GTPBP10: variants seen among roughly 807,000 people sequenced by gnomAD.
The protein encoded by GTPBP10 is GTP-binding protein 10.
A neutral mutation model predicts 44.8 loss-of-function variants in GTPBP10; 38 were observed. The observed-to-expected ratio is 0.85, with a 90% confidence interval of 0.65 to 1.11. The LOEUF is 1.11. Ranked by LOEUF, GTPBP10 falls within the 50% of genes most tolerant of loss-of-function variation. The pLI is 0.00. For missense variants in GTPBP10, 462 were observed against 453.7 expected (o/e 1.02, Z -0.17); for synonymous variants, 152 against 150.6 (o/e 1.01, Z -0.07).
Position 90,390,623 on chromosome 7 carries a change from T to A in GTPBP10, c.*5469T>A, listed in dbSNP as rs996025186. 3 of 152,186 alleles carry A rather than the reference T, an allele frequency of 2.0e-5. No individual in the cohort carries two copies. The highest frequency in any genetic ancestry group is 7.2e-5 in the African/African-American group (3 of 41,442). 9.4% of individuals were successfully genotyped at this position (152,186 alleles called of 1,614,324 possible). Reference sequence around the variant, plus strand: ...ACATGCAGCTTATGTTATAATTAATTTGCGAGCAATATATGGCATGATAGT... The same window carrying A: ...ACATGCAGCTTATGTTATAATTAATATGCGAGCAATATATGGCATGATAGT... On this transcript the variant is annotated 3_prime_UTR_variant, in exon 10 of 10. Coordinates refer to ENST00000222511, the MANE Select transcript of GTPBP10 (RefSeq NM_033107.4).
intron 4 of GTPBP10, among the ~76,000 whole-genome samples, chr7:90,364,796 C>A (rs979475017): frequency 6.6e-6 from 1 of 152,178 alleles, no homozygotes; most frequent in African/African-American, 2.4e-5. Context: ...TTCCAGGTGG[C>A]TTTGTTACCT....
chr7:90,370,530 T>C (rs557778055), intron 4 of GTPBP10, among the ~76,000 whole-genome samples: 9 of 151,958 alleles, frequency 5.9e-5, no homozygotes, highest in Non-Finnish European at 1.0e-4. Context: ...ATAATGGACA[T>C]TGGAGACTCG....
chr7:90,361,259 T>C (rs1260887780), intron 4 of GTPBP10, among the ~76,000 whole-genome samples: 2 of 152,228 alleles, frequency 1.3e-5, no homozygotes, highest in African/African-American at 2.4e-5. Flanking sequence ...AGTAATGATA[T>C]TGGCTGTGGG....
At chr7:90,362,679 G>C (rs1181805974) in intron 4 of GTPBP10, among the ~76,000 whole-genome samples, 1 of 152,118 alleles carries the variant, frequency 6.6e-6, no homozygotes, top group Non-Finnish European at 1.5e-5. Context: ...TTCAATTCCT[G>C]GATATCCTGG....
chr7:90,380,102 G>C (rs1796409103), intron 8 of GTPBP10, among the ~76,000 whole-genome samples: 1 of 117,402 alleles, frequency 8.5e-6, no homozygotes, highest in African/African-American at 3.2e-5. Context: ...TTTTTGAGAT[G>C]GAGTCTCACT....
chr7:90,387,107 CAGGAAGACCACTTGAGGT>C lies in GTPBP10; in HGVS notation c.*1954_*1971del, dbSNP rs1796537638. The C allele has an allele frequency of 6.6e-6, 1 of 152,080 alleles. No homozygotes were observed. The highest frequency in any genetic ancestry group is 1.5e-5 in the Non-Finnish European group (1 of 68,026). The allele number at this position is 152,080 out of a possible 1,614,324, so 9.4% of individuals were successfully genotyped here. A position where few individuals can be genotyped will look rare whatever the true frequency, so the allele number is the denominator to read the frequency against. On this transcript the variant is annotated 3_prime_UTR_variant, in exon 10 of 10. Coordinates refer to ENST00000222511, the MANE Select transcript of GTPBP10 (RefSeq NM_033107.4). Reference sequence around the variant, plus strand: ...ATCTCAGCACTTTGGGAGGCTGAGGCAGGAAGACCACTTGAGGTCAGGAGTTCAAGACCAGCCTGGCCA... The same window carrying C: ...ATCTCAGCACTTTGGGAGGCTGAGGCCAGGAGTTCAAGACCAGCCTGGCCA...
At chr7:90,371,243 A>T in intron 4 of GTPBP10, 1 of 909,364 alleles carries the variant, frequency 1.1e-6, no homozygotes, top group African/African-American at 1.8e-5. Flanking sequence ...ATTTTTTACA[A>T]TGTTGTTTAG....
intron 4 of GTPBP10, among the ~76,000 whole-genome samples, chr7:90,367,749 G>A (rs1387325615): frequency 1.3e-5 from 2 of 152,104 alleles, no homozygotes; most frequent in Non-Finnish European, 2.9e-5. Context: ...GGCAATCTGT[G>A]TCTTTTAATT....
rs563888043 is a variant in GTPBP10 at position 90,368,770 on chromosome 7, C to G, written c.465-3385C>G. Among the ~76,000 whole-genome samples the G allele has an allele frequency of 9.9e-5, 15 of 152,228 alleles. No individual in the cohort carries two copies. In the South Asian group the frequency reaches 2.9e-3, roughly 29 times the overall value. On this transcript the variant is annotated intron_variant, in intron 4 of 9. Coordinates refer to ENST00000222511, the MANE Select transcript of GTPBP10 (RefSeq NM_033107.4). Reference sequence around the variant, plus strand: ...TTAGCTCAGTGAAGTTTTTTATTACCAACCTTCTGAAGTCTACTTCTGTTA... The same window carrying G: ...TTAGCTCAGTGAAGTTTTTTATTACGAACCTTCTGAAGTCTACTTCTGTTA...
intron 1 of GTPBP10, chr7:90,347,457 A>G (rs1562951708): frequency 1.1e-5 from 2 of 190,242 alleles, no homozygotes; most frequent in East Asian, 3.7e-4. Flanking sequence ...AACTGTAGAA[A>G]CTCTCCTCGA....
Position 90,354,549 on chromosome 7 carries a change from G to A in GTPBP10, c.319G>A (p.Gly107Arg). Reference sequence around the variant, plus strand: ...AACTGATGAAAATGGTAAAATTATAGGTGAGTGTACTATAACTCCAAAAGT... The same window carrying A: ...AACTGATGAAAATGGTAAAATTATAAGTGAGTGTACTATAACTCCAAAAGT... Reference protein sequence around the residue: ...SVTDENGKIIGELNKENDRIL... With the variant: ...SVTDENGKIIRELNKENDRIL... Residue 107 changes from glycine (G) to arginine (R), a missense_variant and splice_region_variant, in exon 3 of 10, where the codon GGA becomes AGA. Gly to Arg is a moderately radical substitution (Grantham distance 125, BLOSUM62 -2). Coordinates refer to ENST00000222511, the MANE Select transcript of GTPBP10 (RefSeq NM_033107.4). 6.6e-7 allele frequency: 1 copy of A among 1,513,772 alleles called. No homozygotes were observed. Among genetic ancestry groups the A allele is most frequent in the African/African-American group, 1.4e-5 (1 of 71,556 alleles). The allele number at this position is 1,513,772 out of a possible 1,614,324, so 93.8% of individuals were successfully genotyped here.
rs1795814255 is a variant in GTPBP10 at position 90,352,731 on chromosome 7, A to C, written c.34-85A>C. 4.8e-6 allele frequency: 5 copies of C among 1,045,412 alleles called. 1 individual carries two copies. The highest frequency in any genetic ancestry group is 6.6e-6 in the Non-Finnish European group (5 of 755,130). The allele number at this position is 1,045,412 out of a possible 1,614,324, so 64.8% of individuals were successfully genotyped here. A position where few individuals can be genotyped will look rare whatever the true frequency, so the allele number is the denominator to read the frequency against. On this transcript the variant is annotated intron_variant, in intron 1 of 9. Transcript: ENST00000222511. ...AGCTATTAACGACTTTTTTAGAAGA[A>C]GTTTTAGTGGAAGAAAGAACTAGAA...
At chr7:90,382,297 G>T (rs559951873) in intron 8 of GTPBP10, among the ~76,000 whole-genome samples, 23 of 152,058 alleles carry the variant, frequency 1.5e-4, no homozygotes, top group Non-Finnish European at 2.6e-4. Context: ...CTAAAATTTT[G>T]TATAGAGATG....
At chr7:90,371,705 A>C (rs1269553711) in intron 4 of GTPBP10, among the ~76,000 whole-genome samples, 1 of 152,204 alleles carries the variant, frequency 6.6e-6, no homozygotes, top group African/African-American at 2.4e-5. Flanking sequence ...ATGTATTAAT[A>C]TTTGTTGAAG....
intron 4 of GTPBP10, among the ~76,000 whole-genome samples, chr7:90,370,243 T>TA (rs1468204919): frequency 6.6e-6 from 1 of 152,142 alleles, no homozygotes; most frequent in Non-Finnish European, 1.5e-5. Flanking sequence ...ATTAAAAAGA[T>TA]ACCTGCACAC....
intron 4 of GTPBP10, among the ~76,000 whole-genome samples, chr7:90,362,705 G>A (rs4727683): frequency 1.6e-3 from 244 of 152,242 alleles, no homozygotes; most frequent in African/African-American, 5.4e-3. Flanking sequence ...TTTCTGTCTT[G>A]TTGATCTGTC....
At chr7:90,372,066 C>A in intron 4 of GTPBP10, 89 bp from the exon 5 acceptor site, 1 of 742,244 alleles carries the variant, frequency 1.3e-6, no homozygotes, top group Non-Finnish European at 2.2e-6. Flanking sequence ...CTTTTAATCC[C>A]AAATATATTC....
chr7:90,380,477 G>A (rs1399264246), intron 8 of GTPBP10, among the ~76,000 whole-genome samples: 1 of 151,958 alleles, frequency 6.6e-6, no homozygotes. Flanking sequence ...TGTATTCTTT[G>A]TGGCACAAAA....
intron 4 of GTPBP10, among the ~76,000 whole-genome samples, chr7:90,359,020 A>C (rs946687625): frequency 6.6e-6 from 1 of 152,332 alleles, no homozygotes; most frequent in East Asian, 1.9e-4. Context: ...ACTCAGGGAA[A>C]TGCATATTAA....
Sources: allele counts gnomAD v4.1 joint callset (sites outside exome capture counted in the v4.1 genomes callset), GRCh38; gene constraint gnomAD v4.1.1; transcripts MANE v1.5; gene names NCBI Gene and HGNC (gene_info 2026-07-23, HGNC 2026-07-21).